The following MTA3 variants were observed in gnomAD, a reference collection of about 807,000 sequenced individuals.
MTA3 encodes metastasis associated 1 family member 3.
In MTA3, 34 loss-of-function variants were observed where a neutral mutation model predicts 83.5. The ratio of observed to expected loss-of-function variants is 0.41; its 90% CI spans 0.31 to 0.54. The LOEUF (loss-of-function observed/expected upper bound fraction) is 0.54, where lower values mean the gene tolerates loss of function less well. Ranked by LOEUF, MTA3 falls within the 20% of genes least tolerant of loss-of-function variation. The probability of loss-of-function intolerance (pLI) is 0.33; values close to 1 mark genes in which losing one functional copy is unlikely to be tolerated. For synonymous variants in MTA3, 303 were observed against 252.7 expected (o/e 1.20, Z -1.89); for missense variants, 761 against 726.4 (o/e 1.05, Z -0.55).
Position 42,614,669 on chromosome 2 carries a change from C to T in MTA3, c.317+5085C>T, listed in dbSNP as rs1429022401. Reference sequence around the variant, plus strand: ...TATAACTCGTGTAATATAGTGAATTCGGCTTTAAAATATTCTAATATTCAG... The same window carrying T: ...TATAACTCGTGTAATATAGTGAATTTGGCTTTAAAATATTCTAATATTCAG... On this transcript the variant is annotated intron_variant, in intron 4 of 16. Coordinates refer to ENST00000405094, the MANE Select transcript of MTA3 (RefSeq NM_001330442.2). Among the ~76,000 whole-genome samples, 7 of 151,916 alleles carry T rather than the reference C, an allele frequency of 4.6e-5. No individual in the cohort carries two copies. The South Asian group carries it at 6.3e-4, about 14-fold the overall frequency.
At chr2:42,684,307 C>T (rs1692189632) in intron 9 of MTA3, among the ~76,000 whole-genome samples, 1 of 152,156 alleles carries the variant, frequency 6.6e-6, no homozygotes, top group South Asian at 2.1e-4. Context: ...AATAGCCTGC[C>T]TTTTATGTTG....
chr2:42,697,109 A>G (rs1693457616), intron 10 of MTA3, among the ~76,000 whole-genome samples: 1 of 152,188 alleles, frequency 6.6e-6, no homozygotes, highest in Non-Finnish European at 1.5e-5. Context: ...TTGGACATCA[A>G]CCATATGTTA....
intron 14 of MTA3, among the ~76,000 whole-genome samples, chr2:42,714,303 A>G (rs1245100558): frequency 2.0e-5 from 3 of 152,166 alleles, no homozygotes; most frequent in Admixed American, 1.3e-4. Flanking sequence ...ATGTGATACA[A>G]ATAGTTCCCC....
chr2:42,679,412 C>T (rs763315220), intron 8 of MTA3, among the ~76,000 whole-genome samples: 35 of 152,006 alleles, frequency 2.3e-4, no homozygotes, highest in Middle Eastern at 3.2e-3. Context: ...AATTGAAAAC[C>T]GCACAGAAAG....
At chr2:42,691,289 C>T (rs1558586894) in intron 9 of MTA3, among the ~76,000 whole-genome samples, 1 of 152,132 alleles carries the variant, frequency 6.6e-6, no homozygotes, top group Non-Finnish European at 1.5e-5. Context: ...GGATTACAGG[C>T]GTGAGCCACC....
At chr2:42,540,274 A>G (rs1676462445) in intron 2 of MTA3, among the ~76,000 whole-genome samples, 1 of 150,326 alleles carries the variant, frequency 6.7e-6, no homozygotes, top group East Asian at 2.0e-4. Context: ...CTTAAGCTCA[A>G]GTGACTCTCC....
intron 2 of MTA3, among the ~76,000 whole-genome samples, chr2:42,559,745 G>A (rs529325972): frequency 1.5e-4 from 22 of 146,258 alleles, no homozygotes; most frequent in African/African-American, 4.8e-4. Context: ...GCGTGGTAGC[G>A]CATGCCTGTA....
At chr2:42,634,321 A>G (rs1019075458) in intron 4 of MTA3, among the ~76,000 whole-genome samples, 6 of 152,234 alleles carry the variant, frequency 3.9e-5, no homozygotes, top group East Asian at 3.8e-4. Flanking sequence ...TCACACTGCT[A>G]TAGAACTACC....
At chr2:42,555,930 G>T (rs1677365625) in intron 2 of MTA3, among the ~76,000 whole-genome samples, 1 of 151,866 alleles carries the variant, frequency 6.6e-6, no homozygotes, top group Non-Finnish European at 1.5e-5. Flanking sequence ...AAAGTAGCCA[G>T]ACATGGTGGT....
intron 16 of MTA3, among the ~76,000 whole-genome samples, chr2:42,729,552 A>G (rs1199608612): frequency 6.6e-6 from 1 of 152,166 alleles, no homozygotes; most frequent in Non-Finnish European, 1.5e-5. Context: ...TCTCCAATGT[A>G]TGTTCTTGGC....
chr2:42,728,605 C>G (rs1340371994), intron 16 of MTA3, among the ~76,000 whole-genome samples: 2 of 152,174 alleles, frequency 1.3e-5, no homozygotes, highest in Non-Finnish European at 2.9e-5. Flanking sequence ...TTCTCCATAT[C>G]TTTGCCAGCA....
intron 5 of MTA3, among the ~76,000 whole-genome samples, chr2:42,643,046 C>T (rs370309021): frequency 0.023 from 1,529 of 65,066 alleles, 21 homozygotes; most frequent in African/African-American, 0.06. Flanking sequence ...CCCCCCCCCC[C>T]TTTTTTTTTT....
At chr2:42,559,145 C>G (rs184138570) in intron 2 of MTA3, among the ~76,000 whole-genome samples, 1 of 152,176 alleles carries the variant, frequency 6.6e-6, no homozygotes, top group African/African-American at 2.4e-5. Context: ...GTTCCAGAGC[C>G]CAGATCCAGT....
intron 4 of MTA3, among the ~76,000 whole-genome samples, chr2:42,634,053 T>A (rs953547003): frequency 2.0e-5 from 3 of 152,174 alleles, no homozygotes; most frequent in African/African-American, 7.2e-5. Flanking sequence ...AGTTTGGCTC[T>A]AACAAATGGA....
At chr2:42,594,394 G>T (rs1048612546) in intron 3 of MTA3, among the ~76,000 whole-genome samples, 1 of 149,508 alleles carries the variant, frequency 6.7e-6, no homozygotes, top group Admixed American at 6.8e-5. Flanking sequence ...GCACCACCAT[G>T]CCCGGCTAAT....
At chr2:42,656,340 C>T (rs775697202) in intron 7 of MTA3, 38 bp downstream of exon 7, 2 of 1,346,238 alleles carry the variant, frequency 1.5e-6, no homozygotes, top group East Asian at 2.3e-5. Flanking sequence ...CAATAAATTT[C>T]TTTATATAAA....
chr2:42,636,485 T>TTCAC (rs1687205174), intron 4 of MTA3, among the ~76,000 whole-genome samples: 1 of 151,956 alleles, frequency 6.6e-6, no homozygotes, highest in African/African-American at 2.4e-5. Context: ...GAGGCTGCAG[T>TTCAC]GAACTGTGAT....
intron 16 of MTA3, among the ~76,000 whole-genome samples, chr2:42,736,665 T>C (rs1284096846): frequency 6.6e-6 from 1 of 152,072 alleles, no homozygotes; most frequent in Non-Finnish European, 1.5e-5. Flanking sequence ...CTTCTTACTC[T>C]TCTCTCTCCT....
chr2:42,545,104 G>A (rs529951411), intron 2 of MTA3, among the ~76,000 whole-genome samples: 11 of 152,292 alleles, frequency 7.2e-5, no homozygotes, highest in Non-Finnish European at 1.5e-4. Context: ...CCAACCAGGC[G>A]TGGTTGCTCA....
Sources: allele counts gnomAD v4.1 joint callset (sites outside exome capture counted in the v4.1 genomes callset), GRCh38; gene constraint gnomAD v4.1.1; transcripts MANE v1.5; gene names NCBI Gene and HGNC (gene_info 2026-07-23, HGNC 2026-07-21).